Variants in CFAP54 observed in about 807,000 individuals in gnomAD.
CFAP54 encodes the protein cilia and flagella associated protein 54.
Under a neutral mutation model 370.4 loss-of-function variants are expected in CFAP54, and 290 were observed. That is an observed-to-expected ratio of 0.78 (90% confidence interval 0.71 to 0.86). The LOEUF (loss-of-function observed/expected upper bound fraction) is 0.86, where lower values mean the gene tolerates loss of function less well. Among genes scored for constraint, CFAP54 ranks in the 40% least tolerant of loss-of-function variants. The pLI, the probability that CFAP54 is intolerant of heterozygous loss-of-function variation, is 0.00. For missense variants in CFAP54, 3,399 were observed against 3,528.7 expected (o/e 0.96, Z 0.93); for synonymous variants, 1,206 against 1,236.5 (o/e 0.98, Z 0.52).
intron 26 of CFAP54, among the ~76,000 whole-genome samples, chr12:96,617,907 G>A (rs537947339): frequency 4.0e-5 from 6 of 151,416 alleles, no homozygotes; most frequent in Admixed American, 6.6e-5. Context: ...GGAGAATGGC[G>A]TGAACCCGGG....
chr12:96,804,317 G>A (rs1380994968), intron 63 of CFAP54, among the ~76,000 whole-genome samples: 1 of 152,088 alleles, frequency 6.6e-6, no homozygotes, highest in Non-Finnish European at 1.5e-5. Context: ...AACTATTAAA[G>A]ACATACAAAT....
chr12:96,817,619 A>G (rs1427617930), intron 64 of CFAP54, among the ~76,000 whole-genome samples, 156 bp from the exon 65 acceptor site: 3 of 121,178 alleles, frequency 2.5e-5, no homozygotes, highest in Non-Finnish European at 5.6e-5. Context: ...ACGGGGTTTC[A>G]CCATGTTAGC....
chr12:96,558,980 C>T (rs1254832704), intron 17 of CFAP54, among the ~76,000 whole-genome samples: 1 of 152,152 alleles, frequency 6.6e-6, no homozygotes, highest in Admixed American at 6.5e-5. Context: ...CTCTGGGAGT[C>T]AGAGGTGGGT....
In CFAP54 at chr12:96,500,834, T is replaced by C. The variant is rs1481031914; in HGVS notation, c.318T>C (p.Cys106=). Residue 106 remains cysteine (C), a splice_region_variant and synonymous_variant, in exon 2 of 68, where the codon TGT becomes TGC. Transcript: ENST00000524981. The part of the protein sequence containing the change: ...EEEKHEFRRR[C]ATSLFNIWTK... ...TCGTTTTATTTTATGATTTTTACAG[T>C]GCCACTTCTTTGTTTAATATCTGGA... is the stretch of plus-strand genomic sequence containing the variant. 6.6e-7 allele frequency: 1 copy of C among 1,523,006 alleles called. No individual in the cohort carries two copies. The highest frequency in any genetic ancestry group is 8.8e-7 in the Non-Finnish European group (1 of 1,140,756). The allele number at this position is 1,523,006 out of a possible 1,614,324, so 94.3% of individuals were successfully genotyped here.
intron 20 of CFAP54, among the ~76,000 whole-genome samples, chr12:96,578,979 A>G (rs2136423763): frequency 6.6e-6 from 1 of 152,334 alleles, no homozygotes; most frequent in East Asian, 1.9e-4. Context: ...TCTGTGGAAC[A>G]AAATAAAAAT....
chr12:96,858,355 T>C (rs1959772321), intron 66 of CFAP54, among the ~76,000 whole-genome samples: 1 of 152,228 alleles, frequency 6.6e-6, no homozygotes, highest in Admixed American at 6.5e-5. Flanking sequence ...TTTTCTCTTG[T>C]AAATTTGGTT....
intron 4 of CFAP54, among the ~76,000 whole-genome samples, chr12:96,510,929 C>G (rs1754731690): frequency 1.4e-5 from 2 of 147,108 alleles, no homozygotes; most frequent in South Asian, 4.3e-4. Context: ...CACCACTGTA[C>G]TCCAGCCTGG....
At chr12:96,596,993 T>A (rs1956186931) in intron 25 of CFAP54, among the ~76,000 whole-genome samples, 1 of 152,046 alleles carries the variant, frequency 6.6e-6, no homozygotes, top group Admixed American at 6.6e-5. Context: ...TTGAAAAGAT[T>A]TGCTGGTGAA....
intron 14 of CFAP54, among the ~76,000 whole-genome samples, chr12:96,545,442 G>C (rs1003211884): frequency 2.0e-5 from 3 of 152,066 alleles, no homozygotes; most frequent in East Asian, 3.8e-4. Context: ...AACAGGGCCA[G>C]TAAGTAAAAT....
chr12:96,564,137 A>T (rs559897400), intron 17 of CFAP54, among the ~76,000 whole-genome samples: 1 of 152,290 alleles, frequency 6.6e-6, no homozygotes, highest in South Asian at 2.1e-4. Context: ...TGGTATCAGG[A>T]CTTGCCATCT....
intron 50 of CFAP54, among the ~76,000 whole-genome samples, chr12:96,725,752 C>A (rs192297070): frequency 3.2e-4 from 49 of 152,312 alleles, no homozygotes; most frequent in African/African-American, 1.1e-3. Context: ...CTGTCTTCTG[C>A]CAGTTTTCAA....
chr12:96,835,302 C>G (rs376488172), intron 66 of CFAP54, among the ~76,000 whole-genome samples: 2 of 152,014 alleles, frequency 1.3e-5, no homozygotes, highest in East Asian at 3.9e-4. Flanking sequence ...CCTGGTTGTC[C>G]GATCGTCTAC....
At chr12:96,506,102 G>T (rs544656616) in intron 3 of CFAP54, among the ~76,000 whole-genome samples, 1 of 152,274 alleles carries the variant, frequency 6.6e-6, no homozygotes, top group East Asian at 1.9e-4. Context: ...CACTTTGGGA[G>T]GCCGAGGCAG....
chr12:96,644,390 C>A lies in CFAP54; in HGVS notation c.4529C>A (p.Thr1510Lys). 6.5e-7 allele frequency: 1 copy of A among 1,534,110 alleles called. No homozygotes were observed. Among genetic ancestry groups the A allele is most frequent in the Non-Finnish European group, 8.7e-7 (1 of 1,145,144 alleles). Residue 1510 changes from threonine (T) to lysine (K), a missense_variant, in exon 33 of 68, where the codon ACA becomes AAA. Thr to Lys is a moderately conservative substitution (Grantham distance 78). Around this residue, in one of 3 missense-constraint regions of CFAP54, gnomAD observed 2,796 missense variants for 2,869.7 expected, o/e 0.97. Coordinates refer to ENST00000524981, the MANE Select transcript of CFAP54 (RefSeq NM_001306084.2). ...LWECTKMKFGTSHMMVSFRSC... is the reference protein window; with the variant it reads ...LWECTKMKFGKSHMMVSFRSC... The stretch of plus-strand genomic sequence containing the variant: ...GAGTGTACGAAGATGAAATTTGGCA[C>A]ATCACATATGATGGTCAGGTATAGT...
At chr12:96,650,949 A>C (rs1278570773) in intron 35 of CFAP54, among the ~76,000 whole-genome samples, 1 of 152,092 alleles carries the variant, frequency 6.6e-6, no homozygotes, top group Admixed American at 6.5e-5. Context: ...TCTTGAAAGC[A>C]CTTAGTTTGT....
chr12:96,643,561 C>A (rs549456641), intron 32 of CFAP54, among the ~76,000 whole-genome samples: 45 of 152,182 alleles, frequency 3.0e-4, no homozygotes, highest in Non-Finnish European at 6.0e-4. Flanking sequence ...AACTATATAA[C>A]TGTGCAAGTA....
At chr12:96,786,624 T>A (rs1031575243) in intron 61 of CFAP54, 51 bp from the exon 62 acceptor site, 1 of 1,304,474 alleles carries the variant, frequency 7.7e-7, no homozygotes, top group Non-Finnish European at 1.0e-6. Flanking sequence ...AATATTGAGA[T>A]CATCCCGTTT....
chr12:96,601,904 C>G (rs951396794), intron 26 of CFAP54, among the ~76,000 whole-genome samples: 1 of 152,148 alleles, frequency 6.6e-6, no homozygotes, highest in Admixed American at 6.6e-5. Flanking sequence ...TTTCAAAAAA[C>G]GAGCTCCTGG....
chr12:96,588,297 G>T (rs1292848954), intron 22 of CFAP54, among the ~76,000 whole-genome samples: 1 of 151,928 alleles, frequency 6.6e-6, no homozygotes, highest in African/African-American at 2.4e-5. Context: ...TAACTGTGCT[G>T]ATCTGAATCT....
Sources: allele counts gnomAD v4.1 joint callset (sites outside exome capture counted in the v4.1 genomes callset), GRCh38; gene constraint gnomAD v4.1.1; regional missense constraint gnomAD v4.1.1; transcripts MANE v1.5; gene names NCBI Gene and HGNC (gene_info 2026-07-23, HGNC 2026-07-21).